Variants in ATF7 observed in about 807,000 individuals in gnomAD.
ATF7 encodes the protein activating transcription factor 7.
Under a neutral mutation model 50.4 loss-of-function variants are expected in ATF7, and 10 were observed. The observed-to-expected ratio is 0.20, with a 90% CI of 0.12 to 0.34. ATF7 has a LOEUF of 0.34. Among genes scored for constraint, ATF7 ranks in the 10% least tolerant of loss-of-function variants. The pLI is 1.00. For missense variants in ATF7, 465 were observed against 613.9 expected (o/e 0.76, Z 2.56); for synonymous variants, 201 against 226.4 (o/e 0.89, Z 1.01).
At chr12:53,620,159 C>T (rs1370362350) in intron 1 of ATF7, among the ~76,000 whole-genome samples, 3 of 151,790 alleles carry the variant, frequency 2.0e-5, no homozygotes, top group African/African-American at 7.3e-5. Flanking sequence ...AAAACCATGG[C>T]CGAGCACGGT....
intron 2 of ATF7, among the ~76,000 whole-genome samples, chr12:53,556,062 C>T (rs1210819234): frequency 2.0e-5 from 3 of 151,996 alleles, no homozygotes. Context: ...GTGATCCACC[C>T]ACCTCGACCT....
At chr12:53,588,930 AC>A (rs1457787913) in intron 2 of ATF7, among the ~76,000 whole-genome samples, 2 of 150,870 alleles carry the variant, frequency 1.3e-5, no homozygotes, top group Non-Finnish European at 3.0e-5. Flanking sequence ...AAGAATTTAC[AC>A]CTTTTTTTTT....
chr12:53,561,567 C>T (rs945114544), intron 2 of ATF7, among the ~76,000 whole-genome samples: 6 of 152,124 alleles, frequency 3.9e-5, no homozygotes, highest in Admixed American at 2.0e-4. Flanking sequence ...CAATGTCAGA[C>T]ATCATTTAAG....
At chr12:53,511,546 G>A (rs1426028125), downstream of ATF7, among the ~76,000 whole-genome samples, 5 of 152,148 alleles carry the variant, frequency 3.3e-5, no homozygotes, top group African/African-American at 4.8e-5. Flanking sequence ...CACCATGCCC[G>A]GTTTTCTTAC....
Position 53,524,476 on chromosome 12 carries a change from T to C in ATF7, c.1125+88A>G, listed in dbSNP as rs1938321659. ...ATCTGTCCTAATTAGAGAATTACCA[T>C]CTTCTATCAAATTGTACCACTTTTT... On this transcript the variant is annotated intron_variant, in intron 10 of 11. Coordinates refer to ENST00000420353, the MANE Select transcript of ATF7 (RefSeq NM_006856.3). The surrounding 1 kb of genome is among the most constrained non-coding windows in gnomAD (Gnocchi z 4.6). 5.6e-6 allele frequency: 8 copies of C among 1,424,198 alleles called. No individual in the cohort carries two copies. In the South Asian group the frequency reaches 9.6e-5, roughly 17 times the overall value. The allele number at this position is 1,424,198 out of a possible 1,614,324, so 88.2% of individuals were successfully genotyped here. A position where few individuals can be genotyped will look rare whatever the true frequency, so the allele number is the denominator to read the frequency against.
At chr12:53,609,157 C>CCTTT (rs1943737572) in intron 1 of ATF7, among the ~76,000 whole-genome samples, 1 of 141,362 alleles carries the variant, frequency 7.1e-6, no homozygotes, top group African/African-American at 2.6e-5. Flanking sequence ...CTCTTTTTTC[C>CCTTT]TTTTTTTTTT....
At chr12:53,538,580 A>C (rs775416854) in intron 4 of ATF7, among the ~76,000 whole-genome samples, 18 of 152,214 alleles carry the variant, frequency 1.2e-4, no homozygotes, top group Non-Finnish European at 1.9e-4. Flanking sequence ...ACGGCCTTGC[A>C]GGGAACAATA....
chr12:53,560,496 C>T (rs912656787), intron 2 of ATF7, among the ~76,000 whole-genome samples: 2 of 152,170 alleles, frequency 1.3e-5, no homozygotes, highest in Non-Finnish European at 2.9e-5. Flanking sequence ...GATTAGGAAT[C>T]TAACAGTTTC....
At chr12:53,553,197 A>G (rs1422715094) in intron 2 of ATF7, among the ~76,000 whole-genome samples, 1 of 152,176 alleles carries the variant, frequency 6.6e-6, no homozygotes, top group Non-Finnish European at 1.5e-5. Flanking sequence ...AGTTTTAATG[A>G]GCCAGGATGG....
chr12:53,586,723 T>C (rs1198737030), intron 2 of ATF7, among the ~76,000 whole-genome samples: 1 of 152,228 alleles, frequency 6.6e-6, no homozygotes, highest in Admixed American at 6.5e-5. Context: ...TACAGGCTGC[T>C]GCCCTGAACC....
chr12:53,542,888 A>C (rs1939657822), intron 4 of ATF7: 1 of 1,006,276 alleles, frequency 9.9e-7, no homozygotes, highest in Non-Finnish European at 1.2e-6. Context: ...AACAAAGAAG[A>C]GTGGAAATTT....
At chr12:53,606,651 T>G (rs1010608376) in intron 1 of ATF7, among the ~76,000 whole-genome samples, 2 of 151,928 alleles carry the variant, frequency 1.3e-5, no homozygotes, top group Admixed American at 1.3e-4. Context: ...GCCATGTTGG[T>G]GTGCTGCACC....
At chr12:53,533,961 G>A (rs1474850216) in intron 6 of ATF7, among the ~76,000 whole-genome samples, 1 of 152,178 alleles carries the variant, frequency 6.6e-6, no homozygotes, top group African/African-American at 2.4e-5. Flanking sequence ...GATTAAAGAA[G>A]TATTAAACCC....
rs1011187040 is a variant in ATF7 at position 53,515,551 on chromosome 12, G to C, written c.*1586C>G. The C allele has an allele frequency of 6.6e-6, 1 of 152,144 alleles. No individual in the cohort carries two copies. Among genetic ancestry groups the C allele is most frequent in the African/African-American group, 2.4e-5 (1 of 41,404 alleles). The allele number at this position is 152,144 out of a possible 1,614,324, so 9.4% of individuals were successfully genotyped here. ...GCTTCCTATGGTCCTGGTAGAAACT[G>C]CATAGTTCAGAGCCAAGGGGAGATG... On this transcript the variant is annotated 3_prime_UTR_variant, in exon 12 of 12. Coordinates refer to ENST00000420353, the MANE Select transcript of ATF7 (RefSeq NM_006856.3).
At chr12:53,573,871 A>G (rs1941910263) in intron 2 of ATF7, among the ~76,000 whole-genome samples, 1 of 152,186 alleles carries the variant, frequency 6.6e-6, no homozygotes, top group Non-Finnish European at 1.5e-5. Context: ...GGAAAAGAAA[A>G]CAAAACTGAG....
At chr12:53,588,801 C>A (rs1236152306) in intron 2 of ATF7, among the ~76,000 whole-genome samples, 1 of 152,116 alleles carries the variant, frequency 6.6e-6, no homozygotes, top group Non-Finnish European at 1.5e-5. Context: ...CATGTCCTTG[C>A]TGCAAAATGA....
At chr12:53,523,863 G>C (rs1186896677) in intron 10 of ATF7, among the ~76,000 whole-genome samples, 1 of 151,868 alleles carries the variant, frequency 6.6e-6, no homozygotes, top group Non-Finnish European at 1.5e-5. Flanking sequence ...TCCATGGCTA[G>C]ATCTCCAGGA....
intron 2 of ATF7, among the ~76,000 whole-genome samples, chr12:53,555,282 G>A (rs907135639): frequency 6.0e-5 from 9 of 150,198 alleles, no homozygotes; most frequent in Admixed American, 4.0e-4. Context: ...CCGAGATTGC[G>A]CCATTGCACT....
chr12:53,586,000 A>G (rs1310660094), intron 2 of ATF7, among the ~76,000 whole-genome samples: 1 of 152,238 alleles, frequency 6.6e-6, no homozygotes, highest in Non-Finnish European at 1.5e-5. Context: ...TGTGAATACA[A>G]TCTCCTCATC....
Sources: allele counts gnomAD v4.1 joint callset (sites outside exome capture counted in the v4.1 genomes callset), GRCh38; gene constraint gnomAD v4.1.1; non-coding constraint Gnocchi (gnomAD v3.1); transcripts MANE v1.5; gene names NCBI Gene and HGNC (gene_info 2026-07-23, HGNC 2026-07-21).